AKAP10: variants seen among roughly 807,000 people sequenced by gnomAD.
AKAP10 encodes A-kinase anchoring protein 10.
In AKAP10, 24 loss-of-function variants were observed where a neutral mutation model predicts 80.8. The ratio of observed to expected loss-of-function variants is 0.30; its 90% CI spans 0.22 to 0.42. The LOEUF is 0.42. AKAP10 is among the 10% of genes least tolerant of loss of function. AKAP10 has a pLI of 1.00. For missense variants in AKAP10, 661 were observed against 794.9 expected (o/e 0.83, Z 2.03); for synonymous variants, 291 against 277.7 (o/e 1.05, Z -0.48).
At position 19,936,081 on chromosome 17, in the gene AKAP10, C is replaced by T. The variant is rs964187954; in HGVS notation, c.1467+205G>A. The T allele has an allele frequency of 9.2e-6, 4 of 433,828 alleles. No homozygotes were observed. The Admixed American group carries it at 1.6e-4, about 17-fold the overall frequency. 26.9% of individuals were successfully genotyped at this position (433,828 alleles called of 1,614,324 possible). On this transcript the variant is annotated intron_variant, in intron 9 of 14. Coordinates refer to ENST00000225737, the MANE Select transcript of AKAP10 (RefSeq NM_007202.4). ...ATCCATTATAATCGTACAGGACCAT[C>T]GTACACGCAGTCCACTGTTGACTAA...
intron 14 of AKAP10, among the ~76,000 whole-genome samples, chr17:19,908,945 G>A (rs568488346): frequency 3.7e-4 from 57 of 152,248 alleles, no homozygotes; most frequent in African/African-American, 1.2e-3. Flanking sequence ...TAACTCTTTC[G>A]TTCAGCAAGA....
At chr17:19,920,855 CAAAAAAAAAAAAAA>C (rs61148312) in intron 11 of AKAP10, among the ~76,000 whole-genome samples, 4 of 35,324 alleles carry the variant, frequency 1.1e-4, no homozygotes, top group East Asian at 2.1e-3. Flanking sequence ...GACTCTATCT[CAAAAAAAAAAAAAA>C]AAAAAAAAAA....
intron 4 of AKAP10, among the ~76,000 whole-genome samples, chr17:19,951,837 G>T (rs1345144841): frequency 1.3e-5 from 2 of 148,668 alleles, no homozygotes; most frequent in African/African-American, 2.5e-5. Flanking sequence ...CTCAACTATT[G>T]TCCTATGACC....
intron 5 of AKAP10, among the ~76,000 whole-genome samples, chr17:19,946,275 ATTTTTTTTT>A (rs71157846): frequency 6.6e-3 from 86 of 12,938 alleles, no homozygotes; most frequent in Non-Finnish European, 7.1e-3. Flanking sequence ...ATATATATAT[ATTTTTTTTT>A]TTTTTTTTTT....
chr17:19,906,513 G>A (rs935490490), intron 14 of AKAP10, among the ~76,000 whole-genome samples: 1 of 152,170 alleles, frequency 6.6e-6, no homozygotes, highest in African/African-American at 2.4e-5. Context: ...ATATTAGAAT[G>A]AAAAATATTG....
chr17:19,920,855 CAAAAAAAAAAAA>C (rs61148312), intron 11 of AKAP10, among the ~76,000 whole-genome samples: 536 of 35,352 alleles, frequency 0.015, 7 homozygotes, highest in African/African-American at 0.059. Context: ...GACTCTATCT[CAAAAAAAAAAAA>C]AAAAAAAAAA....
At chr17:19,977,464 C>G in intron 1 of AKAP10, 128 bp downstream of exon 1, 2 of 637,410 alleles carry the variant, frequency 3.1e-6, no homozygotes, top group Non-Finnish European at 4.5e-6. Context: ...ACTCAGGGGG[C>G]ATCTGCGCCG....
Position 19,939,742 on chromosome 17 carries a change from T to C in AKAP10, c.1293A>G (p.Ala431=). 1 of 1,614,000 alleles carries C rather than the reference T, an allele frequency of 6.2e-7. No homozygotes were observed. The highest frequency in any genetic ancestry group is 8.5e-7 in the Non-Finnish European group (1 of 1,180,024). ...CATATAAAATCATGGCATCATTCTG[T>C]GCCTCCTGTCCATCATATTGGCCCT... ...AKKGQYDGQE[A]QNDAMILYDK... is the part of the protein sequence containing the mutation. The change falls in exon 8 of 15, where the codon GCA becomes GCG. Residue 431 remains alanine, a synonymous_variant. Coordinates refer to ENST00000225737, the MANE Select transcript of AKAP10 (RefSeq NM_007202.4).
intron 4 of AKAP10, among the ~76,000 whole-genome samples, chr17:19,952,997 TCA>T (rs2043232246): frequency 6.6e-6 from 1 of 152,090 alleles, no homozygotes; most frequent in Non-Finnish European, 1.5e-5. Flanking sequence ...TGTGGTATAT[TCA>T]CATTTTAAAA....
At chr17:19,947,213 C>T in intron 5 of AKAP10, 194 bp downstream of exon 5, 1 of 554,722 alleles carries the variant, frequency 1.8e-6, no homozygotes, top group Non-Finnish European at 3.2e-6. Context: ...CAGGCAAAGA[C>T]CCTCGCACCG....
intron 1 of AKAP10, among the ~76,000 whole-genome samples, chr17:19,973,028 G>A (rs1224220643): frequency 1.3e-5 from 2 of 152,234 alleles, no homozygotes; most frequent in South Asian, 2.1e-4. Context: ...CACCCTGGCT[G>A]GAGTGCAGTG....
intron 9 of AKAP10, among the ~76,000 whole-genome samples, chr17:19,934,038 C>T (rs1567759188): frequency 6.6e-6 from 1 of 152,104 alleles, no homozygotes; most frequent in Non-Finnish European, 1.5e-5. Flanking sequence ...TTTCCTGCCT[C>T]AGCCTCCTAA....
At chr17:19,946,809 C>G (rs1461917651) in intron 5 of AKAP10, among the ~76,000 whole-genome samples, 1 of 151,928 alleles carries the variant, frequency 6.6e-6, no homozygotes, top group South Asian at 2.1e-4. Context: ...GTGGCACAAT[C>G]AACTGGCAAA....
intron 2 of AKAP10, among the ~76,000 whole-genome samples, chr17:19,967,375 C>T (rs1179619376): frequency 6.6e-6 from 1 of 152,230 alleles, no homozygotes; most frequent in Admixed American, 6.5e-5. Context: ...ATCAACCATA[C>T]TTCTGGATAA....
Position 19,905,321 on chromosome 17 carries a change from TC to T in AKAP10, c.*905del. On this transcript the variant is annotated 3_prime_UTR_variant, in exon 15 of 15. Transcript: ENST00000225737. Reference sequence around the variant, plus strand: ...GCAGTCAAAGTCAAATGTTTCTCTCTCCCCAGTCATCCTGCTCACCTTATTT... The same window carrying T: ...GCAGTCAAAGTCAAATGTTTCTCTCTCCCAGTCATCCTGCTCACCTTATTT... The T allele has an allele frequency of 6.6e-6, 1 of 151,312 alleles. No individual in the cohort carries two copies. Among genetic ancestry groups the T allele is most frequent in the Non-Finnish European group, 1.5e-5 (1 of 67,864 alleles). The allele number at this position is 151,312 out of a possible 1,614,324, so 9.4% of individuals were successfully genotyped here. A position where few individuals can be genotyped will look rare whatever the true frequency, so the allele number is the denominator to read the frequency against.
intron 11 of AKAP10, among the ~76,000 whole-genome samples, chr17:19,923,537 T>C (rs2042841276): frequency 6.6e-6 from 1 of 152,030 alleles, no homozygotes; most frequent in Non-Finnish European, 1.5e-5. Flanking sequence ...TTACTTTCTT[T>C]TTTTTTGAGA....
intron 9 of AKAP10, among the ~76,000 whole-genome samples, chr17:19,934,636 A>G (rs2042973563): frequency 6.6e-6 from 1 of 152,228 alleles, no homozygotes; most frequent in South Asian, 2.1e-4. Context: ...TATATACATT[A>G]CCTTACTTTA....
At chr17:19,928,077 C>T (rs2042893638) in intron 10 of AKAP10, among the ~76,000 whole-genome samples, 2 of 151,062 alleles carry the variant, frequency 1.3e-5, no homozygotes, top group East Asian at 2.0e-4. Context: ...AAAATCAGCC[C>T]GGCATGCTGG....
At position 19,946,209 on chromosome 17, in the gene AKAP10, ATATATATATATTTTATATATATATATAT is replaced by A. The variant is rs1422266711; in HGVS notation, c.976+1170_976+1197del. ...ATATATACTAATACATATATTTTAT[ATATATATATATTTTATATATATATATAT>A]TATATATATATATATATATATATAT... is the stretch of plus-strand genomic sequence containing the variant. On this transcript the variant is annotated intron_variant, in intron 5 of 14. Transcript: ENST00000225737. Among the ~76,000 whole-genome samples, 11 of 41,054 alleles carry A rather than the reference ATATATATATATTTTATATATATATATAT, an allele frequency of 2.7e-4. 1 individual carries two copies. Among genetic ancestry groups the A allele is most frequent in the African/African-American group, 6.3e-4 (7 of 11,068 alleles). 26.9% of individuals were successfully genotyped at this position (41,054 alleles called of 152,430 possible). A position where few individuals can be genotyped will look rare whatever the true frequency, so the allele number is the denominator to read the frequency against.
Sources: allele counts gnomAD v4.1 joint callset (sites outside exome capture counted in the v4.1 genomes callset), GRCh38; gene constraint gnomAD v4.1.1; transcripts MANE v1.5; gene names NCBI Gene and HGNC (gene_info 2026-07-23, HGNC 2026-07-21).